The following LYPD8 variants were observed in gnomAD, a reference collection of about 807,000 sequenced individuals.
LYPD8 encodes the protein LY6/PLAUR domain containing 8.
Under a neutral mutation model 1.7 loss-of-function variants are expected in LYPD8, and 8 were observed. That is an observed-to-expected ratio of 4.58 (90% CI 2.69 to 8.27). LYPD8 has a LOEUF of 8.27. Ranked by LOEUF, LYPD8 falls within the 30% of genes most tolerant of loss-of-function variation. LYPD8 has a pLI of 0.00. For synonymous variants in LYPD8, 50 were observed against 43.6 expected, an observed-to-expected ratio of 1.15 and a Z score of -0.58; for missense variants, 112 against 102.3, an observed-to-expected ratio of 1.09 and a Z score of -0.41.
intron 4 of LYPD8, 98 bp downstream of exon 4, chr1:248,750,426 G>C: frequency 2.5e-6 from 1 of 396,538 alleles, no homozygotes; most frequent in Non-Finnish European, 4.4e-6. Flanking sequence ...TGGACAGCAC[G>C]ACCCCTTCTC....
At chr1:248,740,633 G>A (rs1264620234) in intron 6 of LYPD8, among the ~76,000 whole-genome samples, 2 of 150,298 alleles carry the variant, frequency 1.3e-5, no homozygotes, top group South Asian at 2.1e-4. Flanking sequence ...AGGCAGGGCC[G>A]CAATTTGAGT....
Position 248,751,037 on chromosome 1 carries a change from T to C in LYPD8, c.45A>G (p.Ala15=), listed in dbSNP as rs1375492500. The C allele has an allele frequency of 1.0e-5, 4 of 398,480 alleles. No homozygotes were observed. Among genetic ancestry groups the C allele is most frequent in the African/African-American group, 2.1e-5 (1 of 48,616 alleles). The allele number at this position is 398,480 out of a possible 1,614,324, so 24.7% of individuals were successfully genotyped here. ...CCACGTGAGTTCTCTTACCTACAGC[T>C]GCAACAAGCACTGCAGTGATACCAG... ...LVAGITAVLV[A]AVESLSCVQC... is the part of the protein sequence containing the mutation. The change falls in exon 3 of 7, where the codon GCA becomes GCG. Residue 15 remains alanine (A), a synonymous_variant. Coordinates refer to ENST00000590317, the MANE Select transcript of LYPD8 (RefSeq NM_001085474.2).
At chr1:248,740,392 C>T (rs938490074) in intron 6 of LYPD8, among the ~76,000 whole-genome samples, 1 of 152,188 alleles carries the variant, frequency 6.6e-6, no homozygotes, top group African/African-American at 2.4e-5. Flanking sequence ...ATGTCTCTGC[C>T]GTAAATTGGG....
In LYPD8 at chr1:248,753,641, CATATACATCA is replaced by C. The variant is rs1662873304; in HGVS notation, c.-50+1588_-50+1597del. Among the ~76,000 whole-genome samples the C allele has an allele frequency of 1.9e-3, 256 of 131,754 alleles. 28 individuals carry two copies. The highest frequency in any genetic ancestry group is 6.3e-3 in the East Asian group (23 of 3,662). The allele number at this position is 131,754 out of a possible 152,430, so 86.4% of individuals were successfully genotyped here. ...CACACAACACACACAACACACCACA[CATATACATCA>C]CACACCACACACCCCACGCAACACA... On this transcript the variant is annotated intron_variant, in intron 2 of 6. Transcript: ENST00000590317.
At chr1:248,748,795 T>C (rs2103170644) in intron 4 of LYPD8, among the ~76,000 whole-genome samples, 1 of 152,284 alleles carries the variant, frequency 6.6e-6, no homozygotes, top group East Asian at 1.9e-4. Context: ...GAGCCTTATG[T>C]GCAATATGAC....
chr1:248,746,445 G>T (rs953521755), intron 5 of LYPD8, among the ~76,000 whole-genome samples: 10 of 152,326 alleles, frequency 6.6e-5, no homozygotes, highest in African/African-American at 9.6e-5. Context: ...AATGCCATCC[G>T]GATATACACT....
intron 6 of LYPD8, among the ~76,000 whole-genome samples, chr1:248,741,282 T>C (rs1428392753): frequency 6.6e-6 from 1 of 152,182 alleles, no homozygotes; most frequent in Non-Finnish European, 1.5e-5. Context: ...TCTTGGCTCA[T>C]TGAAGCCTCT....
intron 1 of LYPD8, 113 bp from the exon 2 acceptor site, chr1:248,755,499 A>G (rs1351245193): frequency 6.5e-6 from 1 of 152,860 alleles, no homozygotes; most frequent in Non-Finnish European, 1.5e-5. Context: ...CAAAACAACA[A>G]GAAAACTACA....
At chr1:248,752,857 C>CACACCCCACATCACACACACCCCACAT (rs1662836113) in intron 2 of LYPD8, among the ~76,000 whole-genome samples, 4 of 100,072 alleles carry the variant, frequency 4.0e-5, no homozygotes, top group Non-Finnish European at 5.9e-5. Context: ...ACACACCACA[C>CACACCCCACATCACACACACCCCACAT]CACACACACA....
intron 2 of LYPD8, among the ~76,000 whole-genome samples, chr1:248,754,673 TA>T (rs1662894685): frequency 6.6e-6 from 1 of 152,038 alleles, no homozygotes; most frequent in Admixed American, 6.5e-5. Context: ...GTTGACTTAT[TA>T]GAGATTGGTA....
At chr1:248,741,413 G>T (rs973972670) in intron 6 of LYPD8, among the ~76,000 whole-genome samples, 6 of 152,130 alleles carry the variant, frequency 3.9e-5, no homozygotes, top group Non-Finnish European at 8.8e-5. Flanking sequence ...CACCATGTTG[G>T]CCAGGCTGAT....
At position 248,748,471 on chromosome 1, in the gene LYPD8, C is replaced by A. The variant is rs948440997; in HGVS notation, c.173-18G>T. Reference sequence around the variant, plus strand: ...TGGTGTCTCTACACAAAGACAAACACAGACTGTCAGCCCCTGGTAAGGAGG... The same window carrying A: ...TGGTGTCTCTACACAAAGACAAACAAAGACTGTCAGCCCCTGGTAAGGAGG... On this transcript the variant is annotated intron_variant, in intron 4 of 6. Coordinates refer to ENST00000590317, the MANE Select transcript of LYPD8 (RefSeq NM_001085474.2). 5.0e-6 allele frequency: 2 copies of A among 401,382 alleles called. No individual in the cohort carries two copies. The highest frequency in any genetic ancestry group is 8.8e-6 in the Non-Finnish European group (2 of 228,162). The allele number at this position is 401,382 out of a possible 1,614,324, so 24.9% of individuals were successfully genotyped here.
intron 2 of LYPD8, among the ~76,000 whole-genome samples, chr1:248,752,857 C>CCA (rs1290665868): frequency 1.0e-5 from 1 of 100,088 alleles, no homozygotes; most frequent in Admixed American, 9.3e-5. Flanking sequence ...ACACACCACA[C>CCA]CACACACACA....
At chr1:248,752,652 ACACACAC>A in intron 2 of LYPD8, among the ~76,000 whole-genome samples, 1 of 21,730 alleles carries the variant, frequency 4.6e-5, no homozygotes, top group Admixed American at 8.4e-4. Context: ...ACAACACACA[ACACACAC>A]CACACACACC....
intron 4 of LYPD8, among the ~76,000 whole-genome samples, chr1:248,749,940 CA>C (rs1288511813): frequency 6.6e-6 from 1 of 150,930 alleles, no homozygotes; most frequent in African/African-American, 2.4e-5. Flanking sequence ...AAAACTATAG[CA>C]AAAAAATAGC....
intron 6 of LYPD8, among the ~76,000 whole-genome samples, chr1:248,740,599 G>A (rs577534745): frequency 2.6e-5 from 4 of 152,344 alleles, no homozygotes; most frequent in Non-Finnish European, 4.4e-5. Context: ...CGGAGGTGAA[G>A]TGACTCCACT....
rs1662853902 is a variant in LYPD8 at position 248,753,206 on chromosome 1, CA to C, written c.-50+2032del. 6.9e-4 allele frequency among the ~76,000 whole-genome samples: 78 copies of C among 112,742 alleles called. 1 individual carries two copies. Among genetic ancestry groups the C allele is most frequent in the African/African-American group, 2.5e-3 (70 of 27,786 alleles). 74.0% of individuals were successfully genotyped at this position (112,742 alleles called of 152,430 possible). A position where few individuals can be genotyped will look rare whatever the true frequency, so the allele number is the denominator to read the frequency against. On this transcript the variant is annotated intron_variant, in intron 2 of 6. Transcript: ENST00000590317. ...CACACACACCACATCACACCCCACA[CA>C]ACACACACACCACACCACACACACA...
At chr1:248,744,820 T>C (rs1261373893) in intron 6 of LYPD8, among the ~76,000 whole-genome samples, 4 of 152,186 alleles carry the variant, frequency 2.6e-5, no homozygotes, top group African/African-American at 9.7e-5. Flanking sequence ...CACCCTCACC[T>C]ATAGAATGAT....
At chr1:248,748,724 G>A (rs1662752177) in intron 4 of LYPD8, among the ~76,000 whole-genome samples, 1 of 152,132 alleles carries the variant, frequency 6.6e-6, no homozygotes, top group Non-Finnish European at 1.5e-5. Context: ...GGTCCAAGTG[G>A]ACAGTCCCTG....
Sources: gnomAD v4.1 joint callset for allele counts (sites outside exome capture counted in the v4.1 genomes callset) on GRCh38, gnomAD v4.1.1 for gene constraint, MANE v1.5 for transcripts, NCBI Gene and HGNC (gene_info 2026-07-23, HGNC 2026-07-21) for gene names.